The following MAD1L1 variants were observed in gnomAD, a reference collection of about 807,000 sequenced individuals.
The protein encoded by MAD1L1 is mitotic spindle assembly checkpoint protein MAD1.
MAD1L1 carries 95 observed loss-of-function variants against 96.9 expected under a neutral mutation model. That is an observed-to-expected ratio of 0.98 (90% CI 0.83 to 1.16). The LOEUF (loss-of-function observed/expected upper bound fraction) is 1.16, where lower values mean the gene tolerates loss of function less well. Among genes scored for constraint, MAD1L1 ranks in the 50% most tolerant of loss-of-function variants. MAD1L1 has a pLI of 0.00. For missense variants in MAD1L1, 1,007 were observed against 954.4 expected, an observed-to-expected ratio of 1.06 and a Z score of -0.73; for synonymous variants, 473 against 396.6, an observed-to-expected ratio of 1.19 and a Z score of -2.29.
intron 17 of MAD1L1, among the ~76,000 whole-genome samples, chr7:1,916,194 C>A (rs528159370): frequency 6.6e-6 from 1 of 152,142 alleles, no homozygotes; most frequent in African/African-American, 2.4e-5. Flanking sequence ...GACATGCAAA[C>A]GGGTGAAGCC....
rs529484794 is a variant in MAD1L1 at position 2,014,783 on chromosome 7, C to G, written c.1219-141G>C. 8.8e-5 allele frequency: 80 copies of G among 913,528 alleles called. No homozygotes were observed. In the East Asian group the frequency reaches 2.3e-3, roughly 26 times the overall value. 56.6% of individuals were successfully genotyped at this position (913,528 alleles called of 1,614,324 possible). ...CCCAGGCCAGCACTCAGAGCCCACC[C>G]CTGAGGGCCCACCAAAGTGAAGAGG... On this transcript the variant is annotated intron_variant, in intron 12 of 18. Coordinates refer to ENST00000265854, the MANE Select transcript of MAD1L1 (RefSeq NM_001013836.2).
At position 2,225,415 on chromosome 7, in the gene MAD1L1, A is replaced by T. The variant is rs376163799; in HGVS notation, c.286T>A (p.Tyr96Asn). 2.5e-6 allele frequency: 4 copies of T among 1,613,830 alleles called. No homozygotes were observed. In the African/African-American group the frequency reaches 5.3e-5, roughly 22 times the overall value. Reference sequence around the variant, plus strand: ...CTCGCCCCGCCTGAACCCACCTCGTAGTTCCTGGCACTGGTGCTGGCTGCT... The same window carrying T: ...CTCGCCCCGCCTGAACCCACCTCGTTGTTCCTGGCACTGGTGCTGGCTGCT... The part of the protein sequence containing the change: ...ERAASTSARN[Y>N]EREVDRNQEL... Residue 96 changes from tyrosine (Y) to asparagine (N), a missense_variant, in exon 4 of 19, where the codon TAC becomes AAC. Transcript: ENST00000265854.
Position 2,049,766 on chromosome 7 carries a change from T to C in MAD1L1, c.1218+19428A>G, listed in dbSNP as rs55759374. Among the ~76,000 whole-genome samples, 649 of 151,862 alleles carry C rather than the reference T, an allele frequency of 4.3e-3. 7 individuals carry two copies. The highest frequency in any genetic ancestry group is 0.015 in the African/African-American group (625 of 41,402). Reference sequence around the variant, plus strand: ...GTAATTCCCAGGGCACCTCATCCAATGTCTGCAGGCACCAGACCACAGGTT... The same window carrying C: ...GTAATTCCCAGGGCACCTCATCCAACGTCTGCAGGCACCAGACCACAGGTT... On this transcript the variant is annotated intron_variant, in intron 12 of 18. Transcript: ENST00000265854.
intron 16 of MAD1L1, chr7:1,940,639 T>A (rs934108502): frequency 6.6e-6 from 1 of 152,180 alleles, no homozygotes; most frequent in African/African-American, 2.4e-5. Flanking sequence ...CCTGCCCCCG[T>A]CCTAACCACG....
intron 12 of MAD1L1, among the ~76,000 whole-genome samples, chr7:2,047,237 A>G (rs976839759): frequency 1.3e-5 from 2 of 152,158 alleles, no homozygotes; most frequent in Admixed American, 6.5e-5. Flanking sequence ...ACCCTGAGAC[A>G]CCGCTTGCTC....
chr7:2,220,795 C>T (rs1793560266), intron 5 of MAD1L1: 1 of 1,303,464 alleles, frequency 7.7e-7, no homozygotes, highest in African/African-American at 1.5e-5. Context: ...AAGCATCAAC[C>T]TGGGAGTCAA....
intron 11 of MAD1L1, among the ~76,000 whole-genome samples, chr7:2,102,294 G>GTCACCA (rs1257383061): frequency 1.5e-5 from 1 of 67,100 alleles, no homozygotes. Context: ...CACCGCCACT[G>GTCACCA]TCACCATCAC....
intron 18 of MAD1L1, chr7:1,838,900 G>A: frequency 4.3e-6 from 2 of 469,282 alleles, no homozygotes; most frequent in South Asian, 3.1e-5. Flanking sequence ...GGCACACCCT[G>A]GGGCGGGGAG....
At chr7:2,017,024 C>A (rs76633234) in intron 12 of MAD1L1, among the ~76,000 whole-genome samples, 8,882 of 152,330 alleles carry the variant, frequency 0.058, 837 homozygotes, top group African/African-American at 0.2. Context: ...TCTCTGAGAG[C>A]TTCTCTTCGT....
chr7:1,864,301 C>T (rs1784669978), intron 18 of MAD1L1, among the ~76,000 whole-genome samples: 1 of 152,200 alleles, frequency 6.6e-6, no homozygotes, highest in Admixed American at 6.5e-5. Flanking sequence ...CCTGTCTCAG[C>T]TCAGCACTGG....
At chr7:1,829,347 C>T (rs1782588471) in intron 18 of MAD1L1, 1 of 152,292 alleles carries the variant, frequency 6.6e-6, no homozygotes, top group Admixed American at 6.5e-5. Context: ...GAGCTCTGAC[C>T]CGCCAGCTGC....
At chr7:1,904,424 T>C (rs1296234801) in intron 17 of MAD1L1, among the ~76,000 whole-genome samples, 1 of 141,336 alleles carries the variant, frequency 7.1e-6, no homozygotes, top group Admixed American at 6.9e-5. Flanking sequence ...GAGGACACAG[T>C]GGCCTATGAA....
chr7:1,856,439 G>C (rs1287359859), intron 18 of MAD1L1, among the ~76,000 whole-genome samples: 1 of 152,244 alleles, frequency 6.6e-6, no homozygotes, highest in Non-Finnish European at 1.5e-5. Flanking sequence ...GTTGGGGGAT[G>C]GGAAGGGGGA....
chr7:2,226,011 C>T (rs1793874510), intron 3 of MAD1L1, among the ~76,000 whole-genome samples: 1 of 152,186 alleles, frequency 6.6e-6, no homozygotes. Context: ...TAGGTGCTGC[C>T]CACATCCCTT....
At chr7:1,944,186 G>A (rs1287161952) in intron 16 of MAD1L1, among the ~76,000 whole-genome samples, 2 of 152,196 alleles carry the variant, frequency 1.3e-5, no homozygotes, top group African/African-American at 2.4e-5. Flanking sequence ...GCACGCAGTA[G>A]CCGACTGGTG....
chr7:2,184,724 G>A (rs973653081), intron 10 of MAD1L1, among the ~76,000 whole-genome samples: 8 of 152,184 alleles, frequency 5.3e-5, no homozygotes, highest in Non-Finnish European at 8.8e-5. Flanking sequence ...CCACTGGGCC[G>A]GGTGCGGTGG....
At chr7:2,049,915 A>G (rs56082317) in intron 12 of MAD1L1, among the ~76,000 whole-genome samples, 2,320 of 133,160 alleles carry the variant, frequency 0.017, 36 homozygotes, top group Middle Eastern at 0.1. Context: ...CTCACCCAAC[A>G]TCTGCGGACA....
chr7:2,052,895 A>T (rs751378643), intron 12 of MAD1L1, among the ~76,000 whole-genome samples: 9 of 151,944 alleles, frequency 5.9e-5, no homozygotes, highest in Non-Finnish European at 1.2e-4. Context: ...GGGAGATAGG[A>T]AGCCATGTGT....
chr7:1,854,382 G>C (rs1446236222), intron 18 of MAD1L1: 1 of 470,922 alleles, frequency 2.1e-6, no homozygotes, highest in Non-Finnish European at 4.2e-6. Context: ...GCCTGTATTG[G>C]TCCACTCGGC....
Sources: allele counts gnomAD v4.1 joint callset (sites outside exome capture counted in the v4.1 genomes callset), GRCh38; gene constraint gnomAD v4.1.1; transcripts MANE v1.5; gene names NCBI Gene and HGNC (gene_info 2026-07-23, HGNC 2026-07-21).